The following RBFOX1 variants were observed in gnomAD, a reference collection of about 807,000 sequenced individuals.
RBFOX1 encodes the protein RNA binding protein fox-1 homolog 1.
RBFOX1 carries 8 observed loss-of-function variants against 57.7 expected under a neutral mutation model. That is an observed-to-expected ratio of 0.14 (90% CI 0.08 to 0.25). RBFOX1 has a LOEUF of 0.25. Ranked by LOEUF, RBFOX1 falls within the 10% of genes least tolerant of loss-of-function variation. RBFOX1 has a pLI of 1.00. For synonymous variants in RBFOX1, 326 were observed against 222.4 expected, an observed-to-expected ratio of 1.47 and a Z score of -4.15; for missense variants, 611 against 548.5, an observed-to-expected ratio of 1.11 and a Z score of -1.14.
intron 2 of RBFOX1, among the ~76,000 whole-genome samples, chr16:6,463,952 C>A (rs960048254): frequency 1.3e-5 from 2 of 151,876 alleles, no homozygotes; most frequent in Admixed American, 6.6e-5. Flanking sequence ...AGGAGGAGAG[C>A]CACTAAGAAA....
chr16:7,587,944 T>C (rs1242791532), intron 7 of RBFOX1, among the ~76,000 whole-genome samples: 4 of 152,150 alleles, frequency 2.6e-5, no homozygotes, highest in African/African-American at 7.2e-5. Context: ...CCCAGCACTT[T>C]GAGGTGGGTG....
At chr16:5,984,333 G>A (rs1016493293) in intron 4 of RBFOX1, among the ~76,000 whole-genome samples, 1 of 151,078 alleles carries the variant, frequency 6.6e-6, no homozygotes, top group African/African-American at 2.4e-5. Context: ...CAAAGGACAG[G>A]TAAGAAAGTC....
intron 3 of RBFOX1, among the ~76,000 whole-genome samples, chr16:6,883,468 C>G (rs369728285): frequency 6.6e-6 from 1 of 152,164 alleles, no homozygotes; most frequent in African/African-American, 2.4e-5. Flanking sequence ...TTGCACTAGC[C>G]GCTTTCTCTT....
At position 6,640,369 on chromosome 16, in the gene RBFOX1, G is replaced by T. The variant is rs376831575; in HGVS notation, c.-63-14234G>T. Among the ~76,000 whole-genome samples the T allele has an allele frequency of 1.4e-4, 22 of 152,218 alleles. No individual in the cohort carries two copies. In the East Asian group the frequency reaches 1.7e-3, roughly 12 times the overall value. ...CACATCTGTAATCCCAGAACTTGGG[G>T]AGGCCGAGGTGGGCGGATCACTGGA... On this transcript the variant is annotated intron_variant, in intron 2 of 15. Coordinates refer to ENST00000550418, the MANE Select transcript of RBFOX1 (RefSeq NM_018723.4).
chr16:6,392,767 G>A (rs2152936004), intron 2 of RBFOX1, among the ~76,000 whole-genome samples: 1 of 152,230 alleles, frequency 6.6e-6, no homozygotes, highest in East Asian at 1.9e-4. Flanking sequence ...TTCCTTTGCA[G>A]GAATTAAAAA....
intron 12 of RBFOX1, among the ~76,000 whole-genome samples, chr16:7,658,719 T>G (rs551360875): frequency 5.3e-5 from 8 of 152,204 alleles, no homozygotes; most frequent in Admixed American, 5.2e-4. Flanking sequence ...GGTGCTCTAA[T>G]GGAGCATCAC....
chr16:5,282,576 G>A (rs2063298524), intron 1 of RBFOX1, among the ~76,000 whole-genome samples: 1 of 150,414 alleles, frequency 6.6e-6, no homozygotes, highest in Non-Finnish European at 1.5e-5. Context: ...TCAGGAACTG[G>A]CACAAAGGTG....
chr16:6,967,770 G>A (rs555586033), intron 3 of RBFOX1, among the ~76,000 whole-genome samples: 1 of 152,178 alleles, frequency 6.6e-6, no homozygotes, highest in South Asian at 2.1e-4. Context: ...TGGGACCCTG[G>A]GGAATGTGTG....
intron 1 of RBFOX1, among the ~76,000 whole-genome samples, chr16:6,256,211 G>GTGTATATATGTATATATATATGTGTA: frequency 9.0e-5 from 1 of 11,162 alleles, no homozygotes; most frequent in South Asian, 5.2e-3. Context: ...ATGTATATGT[G>GTGTATATATGTATATATATATGTGTA]TATATATATG....
intron 4 of RBFOX1, among the ~76,000 whole-genome samples, chr16:7,421,415 C>T (rs1287722658): frequency 3.9e-5 from 6 of 152,176 alleles, no homozygotes; most frequent in East Asian, 1.9e-4. Flanking sequence ...TATATTCAGG[C>T]ACCCATACGT....
chr16:7,482,933 A>T (rs1189545726), intron 4 of RBFOX1, among the ~76,000 whole-genome samples: 1 of 152,124 alleles, frequency 6.6e-6, no homozygotes, highest in East Asian at 1.9e-4. Flanking sequence ...TTTTGACTTT[A>T]TCCTGGGTTG....
intron 3 of RBFOX1, among the ~76,000 whole-genome samples, chr16:6,955,348 GCACA>G (rs34550051): frequency 5.0e-4 from 75 of 150,324 alleles, no homozygotes; most frequent in Non-Finnish European, 7.4e-4. Flanking sequence ...CCCCACATAT[GCACA>G]CACACACACA....
At chr16:7,362,318 G>T (rs1432661347) in intron 4 of RBFOX1, among the ~76,000 whole-genome samples, 1 of 151,172 alleles carries the variant, frequency 6.6e-6, no homozygotes, top group Non-Finnish European at 1.5e-5. Flanking sequence ...GCGTGTGTGT[G>T]TGTATGTTTT....
At chr16:6,305,941 G>A (rs1315282772) in intron 1 of RBFOX1, among the ~76,000 whole-genome samples, 6 of 152,216 alleles carry the variant, frequency 3.9e-5, no homozygotes, top group Non-Finnish European at 8.8e-5. Context: ...CTTCAAGAAG[G>A]AGCTGTCAGT....
chr16:6,636,767 A>AATATATGGT (rs1337703349), intron 2 of RBFOX1, among the ~76,000 whole-genome samples: 3 of 32,902 alleles, frequency 9.1e-5, no homozygotes, highest in Non-Finnish European at 1.7e-4. Context: ...TTATATATAT[A>AATATATGGT]ATATATAATA....
chr16:5,510,037 G>T (rs911374495), intron 2 of RBFOX1, among the ~76,000 whole-genome samples: 3 of 152,204 alleles, frequency 2.0e-5, no homozygotes, highest in Non-Finnish European at 4.4e-5. Context: ...GGGCGCGTCA[G>T]TTCTGATGCT....
chr16:6,906,027 A>C (rs1461054596), intron 3 of RBFOX1, among the ~76,000 whole-genome samples: 2 of 152,224 alleles, frequency 1.3e-5, no homozygotes, highest in Non-Finnish European at 2.9e-5. Flanking sequence ...CTGGTTGGGC[A>C]GAATGCCCAG....
At chr16:6,639,876 C>G (rs1345796118) in intron 2 of RBFOX1, among the ~76,000 whole-genome samples, 2 of 151,898 alleles carry the variant, frequency 1.3e-5, no homozygotes, top group Non-Finnish European at 1.5e-5. Flanking sequence ...GAGACTGTGT[C>G]TCAAAAACAA....
chr16:6,497,033 G>C (rs12926968), intron 2 of RBFOX1, among the ~76,000 whole-genome samples: 1 of 152,192 alleles, frequency 6.6e-6, no homozygotes, highest in African/African-American at 2.4e-5. Context: ...CTGTGTCTTG[G>C]TTGGCTTATA....
Sources: gnomAD v4.1 joint callset for allele counts (sites outside exome capture counted in the v4.1 genomes callset) on GRCh38, gnomAD v4.1.1 for gene constraint, MANE v1.5 for transcripts, NCBI Gene and HGNC (gene_info 2026-07-23, HGNC 2026-07-21) for gene names.